MBNL1: variants seen among roughly 807,000 people sequenced by gnomAD.
The protein encoded by MBNL1 is muscleblind like splicing regulator 1.
In MBNL1, 8 loss-of-function variants were observed where a neutral mutation model predicts 42.2. That is an observed-to-expected ratio of 0.19 (90% CI 0.11 to 0.34). MBNL1 has a LOEUF of 0.34. MBNL1 is among the 10% of genes least tolerant of loss of function. The pLI, the probability that MBNL1 is intolerant of heterozygous loss-of-function variation, is 1.00. For synonymous variants in MBNL1, 169 were observed against 173.9 expected, an observed-to-expected ratio of 0.97 and a Z score of 0.22; for missense variants, 309 against 495.3, an observed-to-expected ratio of 0.62 and a Z score of 3.57.
intron 1 of MBNL1, among the ~76,000 whole-genome samples, chr3:152,276,315 C>G (rs2045166361): frequency 6.6e-6 from 1 of 152,068 alleles, no homozygotes; most frequent in Admixed American, 6.5e-5. Context: ...TTCCTCAGAA[C>G]AACCCTATGG....
At chr3:152,349,250 G>T (rs1034523855) in intron 2 of MBNL1, among the ~76,000 whole-genome samples, 1 of 151,976 alleles carries the variant, frequency 6.6e-6, no homozygotes, top group African/African-American at 2.4e-5. Flanking sequence ...GTAATTATTT[G>T]TATCTATTGC....
In MBNL1 at chr3:152,451,868, C is replaced by T. The variant is rs369583086; in HGVS notation, c.962-3674C>T. Among the ~76,000 whole-genome samples, 135 of 152,216 alleles carry T rather than the reference C, an allele frequency of 8.9e-4. 1 individual carries two copies. Among genetic ancestry groups the T allele is most frequent in the African/African-American group, 3.1e-3 (128 of 41,550 alleles). ...GGTTGGCATTAATATTTTCATTTTA[C>T]GAATGAGTAATTTGGAGCCTAGTAA... On this transcript the variant is annotated intron_variant, in intron 6 of 9. Coordinates refer to ENST00000324210, the MANE Select transcript of MBNL1 (RefSeq NM_021038.5).
intron 5 of MBNL1, among the ~76,000 whole-genome samples, chr3:152,447,080 T>C (rs1244482092): frequency 6.6e-6 from 1 of 152,218 alleles, no homozygotes; most frequent in East Asian, 1.9e-4. Context: ...TTGGTTAGCA[T>C]GGCTTTAGTG....
intron 2 of MBNL1, among the ~76,000 whole-genome samples, chr3:152,400,942 T>C (rs1216201564): frequency 6.6e-6 from 1 of 152,228 alleles, no homozygotes. Context: ...AACCAACCTG[T>C]GGTCTTCAGA....
chr3:152,245,591 A>G (rs2032742978), intron 2 of MBNL1, among the ~76,000 whole-genome samples: 1 of 152,226 alleles, frequency 6.6e-6, no homozygotes, highest in Non-Finnish European at 1.5e-5. Context: ...CAAAAAAGAA[A>G]GTCCACACTA....
intron 3 of MBNL1, among the ~76,000 whole-genome samples, chr3:152,421,898 C>T (rs960425093): frequency 2.0e-5 from 3 of 151,958 alleles, no homozygotes; most frequent in Non-Finnish European, 4.4e-5. Context: ...TTGTCACCAC[C>T]AGGCCTGCCT....
At chr3:152,350,689 T>C (rs1048460298) in intron 2 of MBNL1, among the ~76,000 whole-genome samples, 1 of 152,008 alleles carries the variant, frequency 6.6e-6, no homozygotes, top group Non-Finnish European at 1.5e-5. Context: ...ACCAAAAACT[T>C]CCTGAGAGAC....
intron 3 of MBNL1, among the ~76,000 whole-genome samples, chr3:152,416,922 A>C (rs182319026): frequency 6.6e-6 from 1 of 152,340 alleles, no homozygotes; most frequent in East Asian, 1.9e-4. Flanking sequence ...TTAGACAAAG[A>C]AATTATTTTT....
At chr3:152,328,206 G>T (rs897066169) in intron 2 of MBNL1, among the ~76,000 whole-genome samples, 4 of 152,040 alleles carry the variant, frequency 2.6e-5, no homozygotes, top group African/African-American at 9.7e-5. Flanking sequence ...GTTTCTAAAG[G>T]CTTGTGAACG....
rs757309204 is a variant in MBNL1 at position 152,432,866 on chromosome 3, A to T, written c.495A>T (p.Val165=). Residue 165 remains valine (V), a synonymous_variant, in exon 4 of 10, where the codon GTA becomes GTT. Coordinates refer to ENST00000324210, the MANE Select transcript of MBNL1 (RefSeq NM_021038.5). ...TTACAGGGAATCCGGGTGTCCCTGT[A>T]CCTGCAGCTGCTGCAGCTGCTGCAC... ...MLVTGNPGVP[V]PAAAAAAAQK... is the part of the protein sequence containing the mutation. The T allele has an allele frequency of 1.2e-5, 19 of 1,614,090 alleles. No individual in the cohort carries two copies. Among genetic ancestry groups the T allele is most frequent in the Non-Finnish European group, 5.9e-6 (7 of 1,179,952 alleles).
At chr3:152,343,125 CAA>C (rs904867298) in intron 2 of MBNL1, among the ~76,000 whole-genome samples, 1 of 152,050 alleles carries the variant, frequency 6.6e-6, no homozygotes, top group African/African-American at 2.4e-5. Flanking sequence ...AGGACTGACC[CAA>C]ATATGGGGTG....
chr3:152,337,983 C>G lies in MBNL1; in HGVS notation c.174+37616C>G, dbSNP rs2091578086. 4.8e-6 allele frequency: 3 copies of G among 623,906 alleles called. No homozygotes were observed. The South Asian group carries it at 2.3e-4, about 47-fold the overall frequency. 38.6% of individuals were successfully genotyped at this position (623,906 alleles called of 1,614,324 possible). On this transcript the variant is annotated intron_variant, in intron 2 of 9. Transcript: ENST00000324210. ...TTTCTGCTGCCTTGCGGATCAGCAC[C>G]CTGGGATTTTTTTTTTGTATTTGTA...
intron 2 of MBNL1, among the ~76,000 whole-genome samples, chr3:152,401,464 A>G (rs1256397189): frequency 6.6e-6 from 1 of 152,192 alleles, no homozygotes; most frequent in African/African-American, 2.4e-5. Context: ...CTTAATGGTA[A>G]GTGAAATGAA....
chr3:152,294,523 A>G (rs1056219625), intron 1 of MBNL1, among the ~76,000 whole-genome samples: 1 of 152,044 alleles, frequency 6.6e-6, no homozygotes, highest in African/African-American at 2.4e-5. Context: ...TGACCTCGTG[A>G]TCTGCCTGCC....
rs532842950 is a variant in MBNL1 at position 152,325,087 on chromosome 3, G to GCCC, written c.174+24727_174+24729dup. Among the ~76,000 whole-genome samples the GCCC allele has an allele frequency of 1.4e-3, 21 of 15,380 alleles. 5 individuals carry two copies. The highest frequency in any genetic ancestry group is 2.5e-3 in the Non-Finnish European group (18 of 7,192). 10.1% of individuals were successfully genotyped at this position (15,380 alleles called of 152,430 possible). A position where few individuals can be genotyped will look rare whatever the true frequency, so the allele number is the denominator to read the frequency against. On this transcript the variant is annotated intron_variant, in intron 2 of 9. Coordinates refer to ENST00000324210, the MANE Select transcript of MBNL1 (RefSeq NM_021038.5). ...TGTTCCCATGTAATGCCACATACCC[G>GCCC]CCCCCCCCCGCCCGCTTTTTTTTCA...
intron 3 of MBNL1, among the ~76,000 whole-genome samples, chr3:152,423,910 G>C (rs1432454793): frequency 6.6e-6 from 1 of 152,058 alleles, no homozygotes; most frequent in African/African-American, 2.4e-5. Context: ...AATAAACTAG[G>C]TATTGATGGA....
chr3:152,407,384 C>A (rs755910205), intron 2 of MBNL1, among the ~76,000 whole-genome samples: 3 of 151,758 alleles, frequency 2.0e-5, no homozygotes, highest in African/African-American at 4.8e-5. Context: ...GCTATATCTA[C>A]CTTAATTTAG....
intron 2 of MBNL1, among the ~76,000 whole-genome samples, chr3:152,337,320 A>G (rs1479588160): frequency 2.0e-5 from 3 of 152,184 alleles, no homozygotes; most frequent in Non-Finnish European, 4.4e-5. Context: ...CTGACAGTGC[A>G]TCAAAACTAA....
intron 2 of MBNL1, among the ~76,000 whole-genome samples, chr3:152,362,117 G>A (rs2096009193): frequency 6.6e-6 from 1 of 152,192 alleles, no homozygotes; most frequent in Non-Finnish European, 1.5e-5. Flanking sequence ...GAGTAAATGA[G>A]TAGGAATTAA....
Sources: allele counts gnomAD v4.1 joint callset (sites outside exome capture counted in the v4.1 genomes callset), GRCh38; gene constraint gnomAD v4.1.1; transcripts MANE v1.5; gene names NCBI Gene and HGNC (gene_info 2026-07-23, HGNC 2026-07-21).